Variants in AS3MT observed in about 807,000 individuals in gnomAD.
The protein encoded by AS3MT is arsenite methyltransferase.
AS3MT carries 47 observed loss-of-function variants against 45.3 expected under a neutral mutation model. That is an observed-to-expected ratio of 1.04 (90% CI 0.82 to 1.32). AS3MT has a LOEUF of 1.32. Among genes scored for constraint, AS3MT ranks in the 40% most tolerant of loss-of-function variants. The pLI is 0.00. For synonymous variants in AS3MT, 141 were observed against 152.8 expected, an observed-to-expected ratio of 0.92 and a Z score of 0.57; for missense variants, 396 against 451.1, an observed-to-expected ratio of 0.88 and a Z score of 1.11.
intron 3 of AS3MT, among the ~76,000 whole-genome samples, chr10:102,871,472 G>A (rs190925265): frequency 0.013 from 1,881 of 149,788 alleles, 34 homozygotes; most frequent in African/African-American, 0.043. Flanking sequence ...GCGTGAACCC[G>A]GGAGGCGGAG....
intron 9 of AS3MT, among the ~76,000 whole-genome samples, chr10:102,883,610 G>A (rs1844901620): frequency 6.6e-6 from 1 of 151,968 alleles, no homozygotes; most frequent in Non-Finnish European, 1.5e-5. Flanking sequence ...CTACTCGAGA[G>A]GCTAAGGCAG....
At chr10:102,888,946 A>G (rs1412854470) in intron 9 of AS3MT, among the ~76,000 whole-genome samples, 2 of 138,930 alleles carry the variant, frequency 1.4e-5, no homozygotes, top group Non-Finnish European at 3.0e-5. Flanking sequence ...GCTAGAGTGC[A>G]GTGGCACAAT....
chr10:102,870,181 T>G lies in AS3MT; in HGVS notation c.140T>G (p.Leu47Trp). 1 of 1,614,148 alleles carries G rather than the reference T, an allele frequency of 6.2e-7. No homozygotes were observed. The highest frequency in any genetic ancestry group is 8.5e-7 in the Non-Finnish European group (1 of 1,180,036). The change falls in exon 3 of 11, where the codon TTG becomes TGG. Residue 47 changes from leucine to tryptophan, a missense_variant. Leu to Trp is a moderately conservative substitution (Grantham distance 61). Coordinates refer to ENST00000369880, the MANE Select transcript of AS3MT (RefSeq NM_020682.4). ...RPVPKHIREA[L>W]QNVHEEVALR... Reference sequence around the variant, plus strand: ...GTCCCCAAGCACATCCGGGAAGCCTTGCAAAATGTACACGAAGAAGTAGCC... The same window carrying G: ...GTCCCCAAGCACATCCGGGAAGCCTGGCAAAATGTACACGAAGAAGTAGCC...
At position 102,873,189 on chromosome 10, in the gene AS3MT, G is replaced by A; in HGVS notation, c.414G>A (p.Lys138=). 1 of 1,610,704 alleles carries A rather than the reference G, an allele frequency of 6.2e-7. No individual in the cohort carries two copies. Among genetic ancestry groups the A allele is most frequent in the Non-Finnish European group, 8.5e-7 (1 of 1,179,068 alleles). The change falls in exon 5 of 11, where the codon AAG becomes AAA. Residue 138 remains lysine, a synonymous_variant. Transcript: ENST00000369880. ...NVTFIHGYIE[K]LGEAGIKNES... Reference sequence around the variant, plus strand: ...CTTTTATTCATGGCTACATTGAGAAGTTGGGAGAGGCTGGAATCAAGAATG... The same window carrying A: ...CTTTTATTCATGGCTACATTGAGAAATTGGGAGAGGCTGGAATCAAGAATG...
intron 4 of AS3MT, 104 bp from the exon 5 acceptor site, chr10:102,872,993 A>G: frequency 1.0e-6 from 1 of 994,206 alleles, no homozygotes; most frequent in Non-Finnish European, 1.5e-6. Flanking sequence ...TGTTTATCCA[A>G]AATAATCTAG....
Position 102,901,108 on chromosome 10 carries a change from A to AAAAAAG in AS3MT, c.*411_*412insAAGAAA, listed in dbSNP as rs1845263993. 2 of 148,336 alleles carry AAAAAAG rather than the reference A, an allele frequency of 1.3e-5. No individual in the cohort carries two copies. The highest frequency in any genetic ancestry group is 4.9e-5 in the African/African-American group (2 of 40,508). 9.2% of individuals were successfully genotyped at this position (148,336 alleles called of 1,614,324 possible). ...TCTCAAAAGCAAAAAAAAAAAAAAAAAAAGAAAGAAAGAAAAAGAAAACAA... is the reference window on the plus strand; with the variant it reads ...TCTCAAAAGCAAAAAAAAAAAAAAAAAAAAAGAAAGAAAGAAAGAAAAAGAAAACAA... On this transcript the variant is annotated 3_prime_UTR_variant, in exon 11 of 11. Coordinates refer to ENST00000369880, the MANE Select transcript of AS3MT (RefSeq NM_020682.4).
At chr10:102,897,718 G>A (rs1481103324) in intron 10 of AS3MT, among the ~76,000 whole-genome samples, 3 of 152,046 alleles carry the variant, frequency 2.0e-5, no homozygotes, top group African/African-American at 7.2e-5. Context: ...CGCCCGCCTC[G>A]GCCTCCCAAA....
At chr10:102,898,444 A>T (rs1159785955) in intron 10 of AS3MT, among the ~76,000 whole-genome samples, 1 of 152,020 alleles carries the variant, frequency 6.6e-6, no homozygotes, top group Non-Finnish European at 1.5e-5. Flanking sequence ...AAAAATACAA[A>T]AATTAGCTGG....
intron 10 of AS3MT, among the ~76,000 whole-genome samples, chr10:102,893,021 TA>T (rs1845099211): frequency 2.1e-5 from 3 of 144,484 alleles, no homozygotes; most frequent in Non-Finnish European, 4.5e-5. Flanking sequence ...AATAAATAAA[TA>T]AATAAATAAT....
Position 102,890,602 on chromosome 10 carries a change from T to G in AS3MT, c.944T>G (p.Phe315Cys). Reference protein sequence around the residue: ...ETAAILKNSRFAQDFLIRPIG... With the variant: ...ETAAILKNSRCAQDFLIRPIG... ...GCAGCTATCTTGAAGAATTCAAGAT[T>G]TGCTCAAGATTTTCTGATCAGACCA... Residue 315 changes from phenylalanine (F) to cysteine (C), a missense_variant, in exon 10 of 11, where the codon TTT (phenylalanine) becomes TGT (cysteine). Transcript: ENST00000369880. The G allele has an allele frequency of 6.2e-7, 1 of 1,612,188 alleles. No individual in the cohort carries two copies. The highest frequency in any genetic ancestry group is 8.5e-7 in the Non-Finnish European group (1 of 1,179,178).
rs1479953762 is a variant in AS3MT, at chr10:102,881,175, A to G, written c.885+2184A>G. On this transcript the variant is annotated intron_variant, in intron 9 of 10. Transcript: ENST00000369880. This position sits in a 1 kb window ranked among gnomAD's most constrained non-coding sequence, Gnocchi z 4.2. The stretch of plus-strand genomic sequence containing the variant: ...TGAGGGAAACAGTGTAGTTAGAGGA[A>G]CAGATGAAGTCAGAACACTCACATG... Among the ~76,000 whole-genome samples, 1 of 152,214 alleles carries G rather than the reference A, an allele frequency of 6.6e-6. No individual in the cohort carries two copies.
chr10:102,883,704 A>T (rs556150875), intron 9 of AS3MT, among the ~76,000 whole-genome samples: 1 of 151,818 alleles, frequency 6.6e-6, no homozygotes, highest in African/African-American at 2.4e-5. Flanking sequence ...ACAGAGCAAG[A>T]CTTCATCTCA....
In AS3MT at chr10:102,878,938, G is replaced by GA; in HGVS notation, c.832_833insA (p.Gly278GlufsTer6). The GA allele has an allele frequency of 6.2e-7, 1 of 1,613,656 alleles. No homozygotes were observed. ...GAGATGCCAAGTTATTTACAATGGA[G>GA]GAATTACAGGACATGAAAAAGAACT... On this transcript the variant is annotated frameshift_variant, in exon 9 of 11. Coordinates refer to ENST00000369880, the MANE Select transcript of AS3MT (RefSeq NM_020682.4). LOFTEE classifies it high-confidence loss of function.
chr10:102,869,885 A>G, intron 2 of AS3MT, 40 bp downstream of exon 2: 1 of 1,611,994 alleles, frequency 6.2e-7, no homozygotes, highest in South Asian at 1.1e-5. Flanking sequence ...AGTGGAGCCT[A>G]GGCTAATGGA....
At chr10:102,872,354 G>C (rs1273822804) in intron 3 of AS3MT, 94 bp from the exon 4 acceptor site, 1 of 1,228,360 alleles carries the variant, frequency 8.1e-7, no homozygotes, top group Non-Finnish European at 1.2e-6. Context: ...AGGAAGGAAC[G>C]GAGGGAGGGA....
chr10:102,898,894 C>T (rs1203424042), intron 10 of AS3MT, among the ~76,000 whole-genome samples: 3 of 152,174 alleles, frequency 2.0e-5, no homozygotes, highest in African/African-American at 7.2e-5. Context: ...GGAGCTGGCA[C>T]TCTAAACCAG....
rs1238646346 is a variant in AS3MT, at chr10:102,878,924, T to C, written c.818T>C (p.Val273Ala). 4.3e-6 allele frequency: 7 copies of C among 1,613,808 alleles called. No individual in the cohort carries two copies. Among genetic ancestry groups the C allele is most frequent in the African/African-American group, 1.3e-5 (1 of 74,904 alleles). The change falls in exon 9 of 11, where the codon GTT (valine) becomes GCT (alanine). Residue 273 changes from valine (V) to alanine (A), a missense_variant. Coordinates refer to ENST00000369880, the MANE Select transcript of AS3MT (RefSeq NM_020682.4). ...SKTGPTKRCQ[V>A]IYNGGITGHE... ...ACAGGACCAACCAAGAGATGCCAAG[T>C]TATTTACAATGGAGGAATTACAGGA...
rs1236905552 is a variant in AS3MT, at chr10:102,900,723, A to G, written c.*23A>G. On this transcript the variant is annotated 3_prime_UTR_variant, in exon 11 of 11. Transcript: ENST00000369880. ...TAAATCTATAGCCAACCAGGGGACC[A>G]CAGTAGTGGGCAAGAGTGATCTGCA... 1.3e-6 allele frequency: 2 copies of G among 1,564,554 alleles called. No individual in the cohort carries two copies. The highest frequency in any genetic ancestry group is 2.7e-5 in the African/African-American group (2 of 73,884).
rs1397838322 is a variant in AS3MT at position 102,901,872 on chromosome 10, G to A, written c.*1172G>A. 6.7e-6 allele frequency: 1 copy of A among 149,784 alleles called. No individual in the cohort carries two copies. Among genetic ancestry groups the A allele is most frequent in the Non-Finnish European group, 1.5e-5 (1 of 67,524 alleles). 9.3% of individuals were successfully genotyped at this position (149,784 alleles called of 1,614,324 possible). A position where few individuals can be genotyped will look rare whatever the true frequency, so the allele number is the denominator to read the frequency against. On this transcript the variant is annotated 3_prime_UTR_variant, in exon 11 of 11. Transcript: ENST00000369880. ...GTTTTTTTCTTTTTTCTTTTTTTTT[G>A]CAATAAAGAAAACAAATTAATCATA...
Sources: gnomAD v4.1 joint callset for allele counts (sites outside exome capture counted in the v4.1 genomes callset) on GRCh38, gnomAD v4.1.1 for gene constraint, Gnocchi (gnomAD v3.1) non-coding constraint, MANE v1.5 for transcripts, NCBI Gene and HGNC (gene_info 2026-07-23, HGNC 2026-07-21) for gene names.